Variants in PTPN22 observed in about 807,000 individuals in gnomAD.
PTPN22 encodes tyrosine-protein phosphatase non-receptor type 22.
PTPN22 carries 85 observed loss-of-function variants against 103.3 expected under a neutral mutation model. That is an observed-to-expected ratio of 0.82 (90% CI 0.69 to 0.99). PTPN22 has a LOEUF of 0.99. Among genes scored for constraint, PTPN22 ranks in the 50% least tolerant of loss-of-function variants. The probability of loss-of-function intolerance (pLI) is 0.00; values close to 1 mark genes in which losing one functional copy is unlikely to be tolerated. For missense variants in PTPN22, 865 were observed against 936.9 expected, an observed-to-expected ratio of 0.92 and a Z score of 1.00; for synonymous variants, 323 against 310.2, an observed-to-expected ratio of 1.04 and a Z score of -0.43.
intron 10 of PTPN22, 84 bp from the exon 11 acceptor site, chr1:113,848,710 C>T (rs1664309190): frequency 1.6e-6 from 2 of 1,260,578 alleles, no homozygotes; most frequent in Admixed American, 4.1e-5. Context: ...GGAATATGAA[C>T]ACCAATCAAA....
intron 18 of PTPN22, among the ~76,000 whole-genome samples, chr1:113,826,827 G>GCA (rs1662119182): frequency 6.6e-6 from 1 of 150,584 alleles, no homozygotes; most frequent in Non-Finnish European, 1.5e-5. Context: ...CCGCCACTAC[G>GCA]CCCGGCTAAT....
intron 1 of PTPN22, among the ~76,000 whole-genome samples, chr1:113,867,403 T>A (rs1466965746): frequency 6.6e-6 from 1 of 152,222 alleles, no homozygotes; most frequent in Non-Finnish European, 1.5e-5. Context: ...ATTATTTAAC[T>A]TCTCAGAGCT....
chr1:113,821,741 G>C (rs1261288808), intron 19 of PTPN22, among the ~76,000 whole-genome samples: 1 of 152,180 alleles, frequency 6.6e-6, no homozygotes, highest in African/African-American at 2.4e-5. Flanking sequence ...TTCCATTAGA[G>C]CTGATTGTAC....
At chr1:113,819,505 G>T in intron 20 of PTPN22, 72 bp downstream of exon 20, 1 of 1,127,000 alleles carries the variant, frequency 8.9e-7, no homozygotes, top group Non-Finnish European at 1.3e-6. Flanking sequence ...CATATTTAAA[G>T]TTGAATCAGT....
At chr1:113,866,060 G>A (rs1571482203) in intron 1 of PTPN22, among the ~76,000 whole-genome samples, 1 of 152,264 alleles carries the variant, frequency 6.6e-6, no homozygotes, top group East Asian at 1.9e-4. Context: ...CCCTGAGCAA[G>A]TTAATTGACC....
intron 11 of PTPN22, among the ~76,000 whole-genome samples, chr1:113,848,211 G>A (rs1029259356): frequency 2.1e-5 from 3 of 142,754 alleles, no homozygotes; most frequent in Non-Finnish European, 4.8e-5. Flanking sequence ...ACCACTCCTG[G>A]CTAAATTTTT....
chr1:113,830,480 TAAAA>T (rs1332413853), intron 16 of PTPN22, among the ~76,000 whole-genome samples: 1 of 151,954 alleles, frequency 6.6e-6, no homozygotes, highest in Non-Finnish European at 1.5e-5. Flanking sequence ...AAGAAAATAT[TAAAA>T]AAAGAAGGGA....
chr1:113,867,177 C>T (rs1666189229), intron 1 of PTPN22, among the ~76,000 whole-genome samples: 2 of 152,216 alleles, frequency 1.3e-5, no homozygotes, highest in Non-Finnish European at 2.9e-5. Context: ...GAAATTTCAA[C>T]AGTATAGTTG....
exon 21 of PTPN22, chr1:113,813,921 T>C (rs574483850): frequency 2.6e-5 from 4 of 152,360 alleles, no homozygotes; most frequent in Admixed American, 1.3e-4. Context: ...AAATGAAAAA[T>C]ACTGAAGAAC....
At chr1:113,843,156 G>A (rs1424557999) in intron 11 of PTPN22, among the ~76,000 whole-genome samples, 1 of 150,464 alleles carries the variant, frequency 6.6e-6, no homozygotes, top group Admixed American at 6.6e-5. Flanking sequence ...TCCACTTCTG[G>A]GTTATACCCA....
chr1:113,841,665 C>T (rs545432577), intron 11 of PTPN22, among the ~76,000 whole-genome samples: 2 of 149,170 alleles, frequency 1.3e-5, no homozygotes, highest in Non-Finnish European at 3.0e-5. Flanking sequence ...TGCAGTGGTG[C>T]GATCTCGGCT....
At chr1:113,839,550 A>C (rs955714272) in intron 11 of PTPN22, among the ~76,000 whole-genome samples, 4 of 152,166 alleles carry the variant, frequency 2.6e-5, no homozygotes, top group Non-Finnish European at 5.9e-5. Flanking sequence ...CATATTATGA[A>C]ATATGTTATT....
chr1:113,868,064 T>G (rs1666263617), intron 1 of PTPN22, among the ~76,000 whole-genome samples: 2 of 152,250 alleles, frequency 1.3e-5, no homozygotes, highest in African/African-American at 4.8e-5. Context: ...TTTATATTTT[T>G]TATTTTTTGT....
intron 3 of PTPN22, 67 bp downstream of exon 3, chr1:113,858,935 A>G (rs1048216471): frequency 1.3e-6 from 2 of 1,560,864 alleles, no homozygotes; most frequent in Non-Finnish European, 1.7e-6. Context: ...CACTGAGTCC[A>G]GCCAGCCCTC....
chr1:113,856,924 G>GA, intron 5 of PTPN22: 1 of 283,528 alleles, frequency 3.5e-6, no homozygotes, highest in Non-Finnish European at 6.8e-6. Context: ...CAAGCTAAGT[G>GA]AAATACCTAG....
chr1:113,848,573 C>T (rs1558041674), exon 11 of PTPN22: 1 of 1,613,520 alleles, frequency 6.2e-7, no homozygotes, highest in South Asian at 1.1e-5. Flanking sequence ...TGATAACATC[C>T]ATCTGTCTCT....
chr1:113,838,479 A>G, intron 12 of PTPN22, 65 bp downstream of exon 12: 1 of 1,599,998 alleles, frequency 6.3e-7, no homozygotes, highest in South Asian at 1.1e-5. Context: ...ACAATGATGT[A>G]TAAGCATGAG....
At chr1:113,828,507 C>A (rs983906033) in intron 18 of PTPN22, among the ~76,000 whole-genome samples, 2 of 152,090 alleles carry the variant, frequency 1.3e-5, no homozygotes, top group Non-Finnish European at 1.5e-5. Context: ...ATTAAACCAT[C>A]CATCTTTATC....
chr1:113,819,452 G>A (rs1205564242), intron 20 of PTPN22, 125 bp downstream of exon 20: 2 of 544,386 alleles, frequency 3.7e-6, no homozygotes, highest in East Asian at 3.2e-5. Context: ...AAATTGCATG[G>A]AAAAGAATAT....
Sources: gnomAD v4.1 joint callset for allele counts (sites outside exome capture counted in the v4.1 genomes callset) on GRCh38, gnomAD v4.1.1 for gene constraint, MANE v1.5 for transcripts, NCBI Gene and HGNC (gene_info 2026-07-23, HGNC 2026-07-21) for gene names.